Variants in STAU2 observed in about 807,000 individuals in gnomAD.
The protein encoded by STAU2 is double-stranded RNA-binding protein Staufen homolog 2.
A neutral mutation model predicts 65.9 loss-of-function variants in STAU2; 20 were observed. That is an observed-to-expected ratio of 0.30 (90% CI 0.21 to 0.44). The LOEUF (loss-of-function observed/expected upper bound fraction) is 0.44, where lower values mean the gene tolerates loss of function less well. Among genes scored for constraint, STAU2 ranks in the 20% least tolerant of loss-of-function variants. The pLI, the probability that STAU2 is intolerant of heterozygous loss-of-function variation, is 1.00. For synonymous variants in STAU2, 232 were observed against 233.9 expected (o/e 0.99, Z 0.07); for missense variants, 558 against 683.9 (o/e 0.82, Z 2.05).
chr8:73,538,493 G>C (rs1806324446), intron 13 of STAU2, among the ~76,000 whole-genome samples: 1 of 151,896 alleles, frequency 6.6e-6, no homozygotes, highest in South Asian at 2.1e-4. Flanking sequence ...GGAATCTGTG[G>C]GGACTAAATT....
intron 14 of STAU2, among the ~76,000 whole-genome samples, chr8:73,421,981 T>C (rs996650139): frequency 6.6e-6 from 1 of 151,922 alleles, no homozygotes; most frequent in Non-Finnish European, 1.5e-5. Flanking sequence ...TTAGTATAAA[T>C]TGAGTCTCTG....
At chr8:73,433,905 G>A (rs1817503948) in intron 13 of STAU2, among the ~76,000 whole-genome samples, 2 of 151,960 alleles carry the variant, frequency 1.3e-5, no homozygotes, top group South Asian at 4.1e-4. Flanking sequence ...GAGTCCACAC[G>A]GCACGCTCAC....
Position 73,688,678 on chromosome 8 carries a change from T to C in STAU2, c.250A>G (p.Lys84Glu). 1 of 1,614,158 alleles carries C rather than the reference T, an allele frequency of 6.2e-7. No homozygotes were observed. The highest frequency in any genetic ancestry group is 8.5e-7 in the Non-Finnish European group (1 of 1,180,034). Residue 84 changes from lysine (K) to glutamate (E), a missense_variant, in exon 5 of 15, where the codon AAA becomes GAA. Coordinates refer to ENST00000524300, the MANE Select transcript of STAU2 (RefSeq NM_001164380.2). ...TLPKPVQKPP[K>E]SNVNNNPGSI... ...CCTGGGTTATTGTTAACATTACTTT[T>C]GGGTGGCTTCTGAACTGGTTTGGGA... is the stretch of plus-strand genomic sequence containing the variant.
intron 13 of STAU2, among the ~76,000 whole-genome samples, chr8:73,485,821 G>A (rs184212036): frequency 3.1e-4 from 47 of 152,124 alleles, no homozygotes; most frequent in Non-Finnish European, 5.1e-4. Context: ...ACAACACAAT[G>A]GGACCCTATC....
At chr8:73,541,438 C>T (rs1806537859) in intron 13 of STAU2, among the ~76,000 whole-genome samples, 1 of 152,102 alleles carries the variant, frequency 6.6e-6, no homozygotes, top group Non-Finnish European at 1.5e-5. Flanking sequence ...TTAGCTTAAG[C>T]AACTTAATCA....
At chr8:73,666,878 T>C (rs949824475) in intron 6 of STAU2, among the ~76,000 whole-genome samples, 1 of 152,222 alleles carries the variant, frequency 6.6e-6, no homozygotes, top group African/African-American at 2.4e-5. Flanking sequence ...CTAGATGTTA[T>C]ACTACCTCTT....
intron 4 of STAU2, 29 bp downstream of exon 4, chr8:73,709,003 T>C (rs970005369): frequency 2.0e-6 from 3 of 1,473,794 alleles, no homozygotes; most frequent in African/African-American, 2.8e-5. Context: ...CTGATAAGTA[T>C]GTCTCACCAC....
rs755898206 is a variant in STAU2, at chr8:73,673,249, A to T, written c.275-7T>A. 6 of 1,424,432 alleles carry T rather than the reference A, an allele frequency of 4.2e-6. No individual in the cohort carries two copies. The highest frequency in any genetic ancestry group is 5.6e-6 in the Non-Finnish European group (6 of 1,068,650). The allele number at this position is 1,424,432 out of a possible 1,614,324, so 88.2% of individuals were successfully genotyped here. The stretch of plus-strand genomic sequence containing the variant: ...ACAGTTGGAGTTATACTGCCTGTTT[A>T]AAAAAAAAACATTAAAGGCACACAA... On this transcript the variant is annotated splice_polypyrimidine_tract_variant and splice_region_variant and intron_variant, in intron 5 of 14. Coordinates refer to ENST00000524300, the MANE Select transcript of STAU2 (RefSeq NM_001164380.2).
At chr8:73,504,118 G>C (rs1821914993) in intron 13 of STAU2, among the ~76,000 whole-genome samples, 2 of 151,974 alleles carry the variant, frequency 1.3e-5, no homozygotes, top group Non-Finnish European at 2.9e-5. Context: ...TCATTTTTAC[G>C]CATATCCCAA....
In STAU2 at chr8:73,709,034, T is replaced by C. The variant is rs1472445755; in HGVS notation, c.112A>G (p.Lys38Glu). 12 of 1,521,158 alleles carry C rather than the reference T, an allele frequency of 7.9e-6. No individual in the cohort carries two copies. The highest frequency in any genetic ancestry group is 1.1e-5 in the Non-Finnish European group (12 of 1,139,894). 94.2% of individuals were successfully genotyped at this position (1,521,158 alleles called of 1,614,324 possible). The change falls in exon 4 of 15, where the codon AAG becomes GAG. Residue 38 changes from lysine to glutamate, a missense_variant and splice_region_variant. Physicochemically the swap from Lys to Glu is moderately conservative, Grantham distance 56. Around this residue, in one of 3 missense-constraint regions of STAU2, gnomAD observed 112 missense variants for 114.2 expected, o/e 0.98. Transcript: ENST00000524300. ...LLNERGPAHS[K>E]MFSVQLSLGE... is the part of the protein sequence containing the mutation. Reference sequence around the variant, plus strand: ...ACCACCTCTCTTCATAACCTTACCTTTGAATGAGCAGGCCCTCTTTCATTC... The same window carrying C: ...ACCACCTCTCTTCATAACCTTACCTCTGAATGAGCAGGCCCTCTTTCATTC...
chr8:73,679,962 A>T (rs1359293220), intron 5 of STAU2, among the ~76,000 whole-genome samples: 1 of 142,000 alleles, frequency 7.0e-6, no homozygotes, highest in Non-Finnish European at 1.5e-5. Flanking sequence ...AGACACTCCC[A>T]GTCCCTAGGG....
chr8:73,501,777 A>G (rs908284611), intron 13 of STAU2, among the ~76,000 whole-genome samples: 6 of 152,050 alleles, frequency 3.9e-5, no homozygotes, highest in African/African-American at 1.2e-4. Context: ...ATAATTATTC[A>G]TTGGCCAAGA....
At chr8:73,566,521 T>A (rs1216998186) in intron 12 of STAU2, among the ~76,000 whole-genome samples, 1 of 152,186 alleles carries the variant, frequency 6.6e-6, no homozygotes, top group African/African-American at 2.4e-5. Flanking sequence ...TTCAAAAAAA[T>A]GCGTACTTAA....
At chr8:73,551,433 C>T (rs985124143) in intron 13 of STAU2, 1 of 987,152 alleles carries the variant, frequency 1.0e-6, no homozygotes, top group African/African-American at 1.7e-5. Flanking sequence ...AAAACAAATA[C>T]ACATTGTTAT....
intron 9 of STAU2, among the ~76,000 whole-genome samples, chr8:73,610,538 C>CAAAAA (rs59599554): frequency 3.2e-5 from 3 of 95,144 alleles, no homozygotes; most frequent in African/African-American, 3.8e-5. Flanking sequence ...GACCCCGTCT[C>CAAAAA]AAAAAAAAAA....
intron 3 of STAU2, among the ~76,000 whole-genome samples, chr8:73,723,237 C>T (rs748415484): frequency 9.9e-5 from 15 of 152,198 alleles, no homozygotes; most frequent in Non-Finnish European, 1.6e-4. Flanking sequence ...CCAAAGAAAA[C>T]CCATGCAGAC....
chr8:73,642,578 C>T (rs1282585844), intron 6 of STAU2, among the ~76,000 whole-genome samples: 1 of 152,040 alleles, frequency 6.6e-6, no homozygotes, highest in Non-Finnish European at 1.5e-5. Flanking sequence ...GACCAAATTT[C>T]GTAAAATAGC....
chr8:73,565,788 G>A (rs1456110891), intron 12 of STAU2, among the ~76,000 whole-genome samples: 1 of 152,102 alleles, frequency 6.6e-6, no homozygotes, highest in Non-Finnish European at 1.5e-5. Flanking sequence ...GGTCTTTATT[G>A]AGAAGTCTGG....
In STAU2 at chr8:73,591,912, AAAC is replaced by A. The variant is rs1485921899; in HGVS notation, c.1161+3251_1161+3253del. On this transcript the variant is annotated intron_variant, in intron 11 of 14. Transcript: ENST00000524300. Reference sequence around the variant, plus strand: ...AAAAAAAAAAAAAAAAAAAAAAAAAAAACAAGAGAGAGACAAGAAAAACCCAAC... The same window carrying A: ...AAAAAAAAAAAAAAAAAAAAAAAAAAAAGAGAGAGACAAGAAAAACCCAAC... 5.2e-4 allele frequency among the ~76,000 whole-genome samples: 74 copies of A among 142,032 alleles called. 1 individual carries two copies. The highest frequency in any genetic ancestry group is 9.1e-4 in the Non-Finnish European group (60 of 66,064). 93.2% of individuals were successfully genotyped at this position (142,032 alleles called of 152,430 possible). A position where few individuals can be genotyped will look rare whatever the true frequency, so the allele number is the denominator to read the frequency against.
Sources: gnomAD v4.1 joint callset for allele counts (sites outside exome capture counted in the v4.1 genomes callset) on GRCh38, gnomAD v4.1.1 for gene constraint, gnomAD v4.1.1 regional missense constraint, MANE v1.5 for transcripts, NCBI Gene and HGNC (gene_info 2026-07-23, HGNC 2026-07-21) for gene names.